FAM117B: variants seen among roughly 807,000 people sequenced by gnomAD.
FAM117B encodes family with sequence similarity 117 member B.
A neutral mutation model predicts 52.8 loss-of-function variants in FAM117B; 22 were observed. The observed-to-expected ratio is 0.42, with a 90% CI of 0.30 to 0.59. FAM117B has a LOEUF of 0.59. Ranked by LOEUF, FAM117B falls within the 20% of genes least tolerant of loss-of-function variation. The pLI, the probability that FAM117B is intolerant of heterozygous loss-of-function variation, is 0.22. For synonymous variants in FAM117B, 309 were observed against 324.1 expected (o/e 0.95, Z 0.50); for missense variants, 678 against 802.6 (o/e 0.84, Z 1.88).
At chr2:202,726,498 A>T (rs1691247421) in intron 4 of FAM117B, 135 bp downstream of exon 4, 3 of 614,974 alleles carry the variant, frequency 4.9e-6, no homozygotes, top group Middle Eastern at 5.6e-4. Context: ...ACTGAATCAC[A>T]GTCTTTATAA....
rs534156606 is a variant in FAM117B at position 202,697,032 on chromosome 2, G to A, written c.753+1000G>A. Among the ~76,000 whole-genome samples the A allele has an allele frequency of 2.0e-5, 3 of 152,244 alleles. No homozygotes were observed. In the East Asian group the frequency reaches 5.8e-4, roughly 29 times the overall value. The stretch of plus-strand genomic sequence containing the variant: ...TGCAGTGAGCAGTGATCATACCACA[G>A]CACACCAGCCTGGGCAATAGAGTGA... On this transcript the variant is annotated intron_variant, in intron 2 of 7. Transcript: ENST00000392238.
In FAM117B at chr2:202,635,365, G is replaced by A. The variant is rs1312608410; in HGVS notation, c.178G>A (p.Gly60Ser). The part of the protein sequence containing the change: ...QHGSPTRSGG[G>S]GGGNNNGGCC... ...TGGCAGCCCCACGCGGAGCGGCGGC[G>A]GCGGCGGCGGCAACAACAACGGTGG... The change falls in exon 1 of 8, where the codon GGC becomes AGC. Residue 60 changes from glycine to serine, a missense_variant. Around this residue, in one of 3 missense-constraint regions of FAM117B, gnomAD observed 583 missense variants for 644.8 expected, o/e 0.90. Transcript: ENST00000392238. 8 of 1,371,154 alleles carry A rather than the reference G, an allele frequency of 5.8e-6. No individual in the cohort carries two copies. The highest frequency in any genetic ancestry group is 2.4e-4 in the Middle Eastern group (1 of 4,182). The allele number at this position is 1,371,154 out of a possible 1,614,324, so 84.9% of individuals were successfully genotyped here. A position where few individuals can be genotyped will look rare whatever the true frequency, so the allele number is the denominator to read the frequency against.
chr2:202,680,401 C>G (rs1274821334), intron 1 of FAM117B, among the ~76,000 whole-genome samples: 2 of 152,008 alleles, frequency 1.3e-5, no homozygotes, highest in Non-Finnish European at 2.9e-5. Context: ...CACATGTACC[C>G]TAAAACTTAA....
intron 1 of FAM117B, among the ~76,000 whole-genome samples, chr2:202,693,962 A>G (rs1690670261): frequency 2.0e-5 from 3 of 152,138 alleles, no homozygotes; most frequent in African/African-American, 7.2e-5. Context: ...GGATGTGCAC[A>G]TTGAATATAG....
intron 4 of FAM117B, among the ~76,000 whole-genome samples, chr2:202,733,705 T>C (rs1049865175): frequency 6.6e-6 from 1 of 152,188 alleles, no homozygotes; most frequent in East Asian, 1.9e-4. Flanking sequence ...CTAAAATCGC[T>C]GTTATTCTGT....
At chr2:202,693,746 G>A (rs1012997318) in intron 1 of FAM117B, among the ~76,000 whole-genome samples, 2 of 152,156 alleles carry the variant, frequency 1.3e-5, no homozygotes, top group Non-Finnish European at 2.9e-5. Context: ...GTGTATCTAT[G>A]TGCTTAATTC....
intron 2 of FAM117B, among the ~76,000 whole-genome samples, chr2:202,721,943 G>A (rs1367257619): frequency 3.3e-5 from 5 of 151,578 alleles, no homozygotes; most frequent in Non-Finnish European, 5.9e-5. Flanking sequence ...TGCCTGGCCT[G>A]ACATTATTCT....
intron 2 of FAM117B, among the ~76,000 whole-genome samples, chr2:202,724,382 T>C (rs907085102): frequency 6.6e-5 from 10 of 152,216 alleles, no homozygotes; most frequent in African/African-American, 2.4e-4. Flanking sequence ...AAGATACTTA[T>C]GGCAAGACTA....
chr2:202,744,629 A>G (rs1691602945), intron 4 of FAM117B, among the ~76,000 whole-genome samples: 1 of 152,150 alleles, frequency 6.6e-6, no homozygotes, highest in Non-Finnish European at 1.5e-5. Flanking sequence ...CTGAAAGAAA[A>G]AAGACTGCTA....
At chr2:202,749,302 T>C (rs915113405) in intron 4 of FAM117B, among the ~76,000 whole-genome samples, 3 of 152,162 alleles carry the variant, frequency 2.0e-5, no homozygotes, top group Non-Finnish European at 4.4e-5. Flanking sequence ...GGTTCTGTAA[T>C]AGTGAAAAAT....
chr2:202,635,179 G>A lies in FAM117B; in HGVS notation c.-9G>A, dbSNP rs946700290. On this transcript the variant is annotated 5_prime_UTR_variant, in exon 1 of 8. Coordinates refer to ENST00000392238, the MANE Select transcript of FAM117B (RefSeq NM_173511.4). Reference sequence around the variant, plus strand: ...CCGTCTCGCCCAGTCACCGGGGAGGGGGGGGACCATGTCCCAGCGGGTGAG... The same window carrying A: ...CCGTCTCGCCCAGTCACCGGGGAGGAGGGGGACCATGTCCCAGCGGGTGAG... The A allele has an allele frequency of 7.8e-7, 1 of 1,275,948 alleles. No individual in the cohort carries two copies. 79.0% of individuals were successfully genotyped at this position (1,275,948 alleles called of 1,614,324 possible). A position where few individuals can be genotyped will look rare whatever the true frequency, so the allele number is the denominator to read the frequency against.
intron 1 of FAM117B, among the ~76,000 whole-genome samples, chr2:202,636,012 G>A (rs1273858047): frequency 2.2e-5 from 1 of 46,274 alleles, no homozygotes; most frequent in Non-Finnish European, 4.5e-5. Flanking sequence ...CCCTCTGCCC[G>A]CCCCGCACGG....
chr2:202,735,937 G>C (rs975929100), intron 4 of FAM117B, among the ~76,000 whole-genome samples: 4 of 152,014 alleles, frequency 2.6e-5, no homozygotes, highest in Non-Finnish European at 5.9e-5. Flanking sequence ...CTACCCCCGA[G>C]GTAAGAATTT....
At chr2:202,692,781 A>G (rs1423141238) in intron 1 of FAM117B, among the ~76,000 whole-genome samples, 1 of 152,222 alleles carries the variant, frequency 6.6e-6, no homozygotes, top group Non-Finnish European at 1.5e-5. Flanking sequence ...AGCAGTGTGA[A>G]GCAATGAGAG....
At chr2:202,740,272 A>G (rs566381394) in intron 4 of FAM117B, among the ~76,000 whole-genome samples, 2 of 148,138 alleles carry the variant, frequency 1.4e-5, no homozygotes, top group East Asian at 3.9e-4. Flanking sequence ...AGGCATGAGA[A>G]TCACTTGAAC....
At chr2:202,659,380 G>A (rs989796501) in intron 1 of FAM117B, among the ~76,000 whole-genome samples, 1 of 151,908 alleles carries the variant, frequency 6.6e-6, no homozygotes, top group Non-Finnish European at 1.5e-5. Flanking sequence ...TGTGATCTTA[G>A]TTCACTGCAG....
intron 2 of FAM117B, among the ~76,000 whole-genome samples, chr2:202,696,730 A>G (rs1690717315): frequency 6.6e-6 from 1 of 151,908 alleles, no homozygotes; most frequent in African/African-American, 2.4e-5. Flanking sequence ...AAAGTTTTAT[A>G]CTTCTGGGTT....
chr2:202,692,436 A>G (rs1690647925), intron 1 of FAM117B, among the ~76,000 whole-genome samples: 1 of 152,220 alleles, frequency 6.6e-6, no homozygotes, highest in African/African-American at 2.4e-5. Context: ...TTTACAGGTC[A>G]AGAGGTAAAA....
intron 2 of FAM117B, among the ~76,000 whole-genome samples, chr2:202,708,290 G>T (rs1690905341): frequency 6.6e-6 from 1 of 152,054 alleles, no homozygotes; most frequent in Non-Finnish European, 1.5e-5. Context: ...GACTATTTTA[G>T]ATTTCTCATA....
Sources: gnomAD v4.1 joint callset for allele counts (sites outside exome capture counted in the v4.1 genomes callset) on GRCh38, gnomAD v4.1.1 for gene constraint, gnomAD v4.1.1 regional missense constraint, MANE v1.5 for transcripts, NCBI Gene and HGNC (gene_info 2026-07-23, HGNC 2026-07-21) for gene names.